Variants in FSTL4 observed in about 807,000 individuals in gnomAD.
The protein encoded by FSTL4 is follistatin like 4.
FSTL4 carries 28 observed loss-of-function variants against 78.2 expected under a neutral mutation model. That is an observed-to-expected ratio of 0.36 (90% CI 0.27 to 0.49). FSTL4 has a LOEUF of 0.49. FSTL4 is among the 20% of genes least tolerant of loss of function. The pLI, the probability that FSTL4 is intolerant of heterozygous loss-of-function variation, is 0.98. For missense variants in FSTL4, 922 were observed against 1,084.9 expected (o/e 0.85, Z 2.11); for synonymous variants, 422 against 440.5 (o/e 0.96, Z 0.53).
rs772691711 is a variant in FSTL4 at position 133,249,411 on chromosome 5, T to C, written c.893A>G (p.Asn298Ser). ...TLNFLDLEDI[N>S]DFGEDDSLYI... ...CAGAGTGAATTCCAGGTGACTTACA[T>C]TGATGTCTTCCAAGTCCAGGAAGTT... Residue 298 changes from asparagine to serine, a missense_variant and splice_region_variant, in exon 7 of 16, where the codon AAT becomes AGT. Physicochemically the swap from Asn to Ser is conservative, Grantham distance 46. Coordinates refer to ENST00000265342, the MANE Select transcript of FSTL4 (RefSeq NM_015082.2). The C allele has an allele frequency of 3.1e-6, 5 of 1,613,248 alleles. No individual in the cohort carries two copies. The highest frequency in any genetic ancestry group is 2.5e-6 in the Non-Finnish European group (3 of 1,179,330).
At chr5:133,489,168 T>C (rs1394070003) in intron 3 of FSTL4, among the ~76,000 whole-genome samples, 1 of 152,230 alleles carries the variant, frequency 6.6e-6, no homozygotes, top group Non-Finnish European at 1.5e-5. Flanking sequence ...TCTGAAGTGA[T>C]AGGGCAGACC....
chr5:133,782,744 C>T, the FSTL4 span, among the ~76,000 whole-genome samples: 32 of 152,346 alleles, frequency 2.1e-4, no homozygotes, highest in East Asian at 6.0e-3. Flanking sequence ...GTATTTTTGT[C>T]ATCCACAACA....
chr5:133,661,795 G>A, the FSTL4 span, among the ~76,000 whole-genome samples: 6 of 152,100 alleles, frequency 3.9e-5, no homozygotes, highest in African/African-American at 1.4e-4. Flanking sequence ...AATTAAGTGA[G>A]GGCATTACAA....
chr5:133,760,925 C>G, the FSTL4 span, among the ~76,000 whole-genome samples: 1 of 152,168 alleles, frequency 6.6e-6, no homozygotes, highest in Non-Finnish European at 1.5e-5. Context: ...AAATGGAGAA[C>G]AGCATGGCCA....
the FSTL4 span, among the ~76,000 whole-genome samples, chr5:133,628,719 TAAAG>T: frequency 6.6e-6 from 1 of 151,086 alleles, no homozygotes; most frequent in Non-Finnish European, 1.5e-5. Flanking sequence ...GCCAGACTAA[TAAAG>T]AAGAAAAGAG....
At chr5:133,605,045 T>C (rs1760949227) in intron 1 of FSTL4, among the ~76,000 whole-genome samples, 1 of 152,212 alleles carries the variant, frequency 6.6e-6, no homozygotes, top group Admixed American at 6.5e-5. Flanking sequence ...GTGCTAAGCA[T>C]TGTGCTGAGG....
chr5:133,413,964 G>A (rs1042971993), intron 3 of FSTL4, among the ~76,000 whole-genome samples: 7 of 151,412 alleles, frequency 4.6e-5, no homozygotes, highest in Admixed American at 2.6e-4. Flanking sequence ...TTTTATATTC[G>A]GTATCATTTT....
At chr5:133,711,172 T>G in the FSTL4 span, among the ~76,000 whole-genome samples, 1 of 152,148 alleles carries the variant, frequency 6.6e-6, no homozygotes, top group Non-Finnish European at 1.5e-5. Flanking sequence ...GAGCTCTGTC[T>G]CTGGAGGAAG....
chr5:133,807,161 A>G, the FSTL4 span, among the ~76,000 whole-genome samples: 2 of 152,218 alleles, frequency 1.3e-5, no homozygotes, highest in African/African-American at 4.8e-5. Context: ...AGAGGAGGCT[A>G]GGAAGAAAAT....
At chr5:133,418,383 GA>G (rs1756623401) in intron 3 of FSTL4, among the ~76,000 whole-genome samples, 1 of 151,968 alleles carries the variant, frequency 6.6e-6, no homozygotes, top group Non-Finnish European at 1.5e-5. Context: ...CATAATTCAA[GA>G]AACAGGTCAA....
chr5:133,544,947 G>T (rs1387420672), intron 3 of FSTL4, among the ~76,000 whole-genome samples: 2 of 152,230 alleles, frequency 1.3e-5, no homozygotes, highest in African/African-American at 4.8e-5. Context: ...CTTTTGGGCA[G>T]TGGAGACCCA....
chr5:133,372,245 C>CTATGTATCTATATATGTATGTATGTATG (rs757202475), intron 4 of FSTL4, among the ~76,000 whole-genome samples: 1 of 140,122 alleles, frequency 7.1e-6, no homozygotes, highest in Non-Finnish European at 1.5e-5. Context: ...ATCTATGTAT[C>CTATGTATCTATATATGTATGTATGTATG]TATGTATGTA....
At chr5:133,620,145 C>T in the FSTL4 span, among the ~76,000 whole-genome samples, 1 of 152,118 alleles carries the variant, frequency 6.6e-6, no homozygotes, top group Non-Finnish European at 1.5e-5. Context: ...TTGACAGTGC[C>T]TCAAGTGTAG....
At chr5:133,739,818 A>G in the FSTL4 span, among the ~76,000 whole-genome samples, 1 of 152,106 alleles carries the variant, frequency 6.6e-6, no homozygotes, top group Non-Finnish European at 1.5e-5. Flanking sequence ...TCAGGCTCAG[A>G]GAGGTTAAGT....
At chr5:133,784,737 A>G in the FSTL4 span, among the ~76,000 whole-genome samples, 2 of 138,680 alleles carry the variant, frequency 1.4e-5, no homozygotes, top group Non-Finnish European at 1.5e-5. Flanking sequence ...TTCCCTTAAG[A>G]AAAAAAAAAA....
the FSTL4 span, among the ~76,000 whole-genome samples, chr5:133,764,020 G>C: frequency 6.6e-6 from 1 of 152,144 alleles, no homozygotes; most frequent in Admixed American, 6.5e-5. Context: ...TGGCATCCAG[G>C]GCTGGCCAGA....
At chr5:133,509,519 A>T (rs1348027733) in intron 3 of FSTL4, among the ~76,000 whole-genome samples, 3 of 152,140 alleles carry the variant, frequency 2.0e-5, no homozygotes, top group African/African-American at 7.2e-5. Context: ...GCAAGCACCA[A>T]TTTATCCCAA....
chr5:133,432,812 C>T (rs1212550210), intron 3 of FSTL4, among the ~76,000 whole-genome samples: 1 of 152,200 alleles, frequency 6.6e-6, no homozygotes, highest in Non-Finnish European at 1.5e-5. Context: ...CATTGGATTA[C>T]ACTTGATTCA....
intron 2 of FSTL4, among the ~76,000 whole-genome samples, chr5:133,569,549 T>C (rs1760105213): frequency 6.6e-6 from 1 of 152,204 alleles, no homozygotes; most frequent in Non-Finnish European, 1.5e-5. Flanking sequence ...GGCGCCAGTA[T>C]CTTTTTCACT....
Sources: allele counts gnomAD v4.1 joint callset (sites outside exome capture counted in the v4.1 genomes callset), GRCh38; gene constraint gnomAD v4.1.1; transcripts MANE v1.5; gene names NCBI Gene and HGNC (gene_info 2026-07-23, HGNC 2026-07-21).